The following CFAP61 variants were observed in gnomAD, a reference collection of about 807,000 sequenced individuals.
CFAP61 encodes the protein cilia and flagella associated protein 61, also known as cilia- and flagella-associated protein 61.
Under a neutral mutation model 135.6 loss-of-function variants are expected in CFAP61, and 107 were observed. The observed-to-expected ratio is 0.79, with a 90% CI of 0.67 to 0.93. CFAP61 has a LOEUF of 0.93. Ranked by LOEUF, CFAP61 falls within the 40% of genes least tolerant of loss-of-function variation. The pLI is 0.00. For synonymous variants in CFAP61, 575 were observed against 578.5 expected, an observed-to-expected ratio of 0.99 and a Z score of 0.09; for missense variants, 1,507 against 1,556.2, an observed-to-expected ratio of 0.97 and a Z score of 0.53.
intron 8 of CFAP61, among the ~76,000 whole-genome samples, chr20:20,130,156 G>T (rs975785055): frequency 4.0e-5 from 6 of 151,560 alleles, no homozygotes; most frequent in Admixed American, 2.6e-4. Context: ...GGGTGTGGTG[G>T]TACGTGCCTG....
intron 6 of CFAP61, among the ~76,000 whole-genome samples, chr20:20,083,410 T>C (rs1159874288): frequency 1.3e-5 from 2 of 152,120 alleles, no homozygotes; most frequent in Non-Finnish European, 2.9e-5. Context: ...GCTCAGGTGA[T>C]GGGTGCACTA....
chr20:20,149,173 C>G (rs924426705), intron 9 of CFAP61, among the ~76,000 whole-genome samples: 1 of 152,102 alleles, frequency 6.6e-6, no homozygotes, highest in African/African-American at 2.4e-5. Context: ...CCAAGATAGA[C>G]CATATTATGG....
intron 2 of CFAP61, among the ~76,000 whole-genome samples, chr20:20,066,044 G>A (rs1274961409): frequency 2.0e-5 from 3 of 152,180 alleles, no homozygotes; most frequent in Non-Finnish European, 4.4e-5. Flanking sequence ...CTCAAAAGAA[G>A]ACATTTATGC....
intron 9 of CFAP61, among the ~76,000 whole-genome samples, chr20:20,155,060 C>G (rs1173730248): frequency 1.3e-5 from 2 of 152,146 alleles, no homozygotes; most frequent in Non-Finnish European, 2.9e-5. Flanking sequence ...AAGCATGGTA[C>G]TGGTATAAAA....
At chr20:20,291,510 C>T (rs1192442734) in intron 24 of CFAP61, among the ~76,000 whole-genome samples, 3 of 152,158 alleles carry the variant, frequency 2.0e-5, no homozygotes, top group African/African-American at 7.2e-5. Context: ...TTCTTTTTGG[C>T]ACTGAATGAT....
chr20:20,103,996 C>T (rs548320410), intron 8 of CFAP61, among the ~76,000 whole-genome samples: 225 of 152,336 alleles, frequency 1.5e-3, no homozygotes, highest in Non-Finnish European at 2.5e-3. Context: ...AAGACTCCTG[C>T]AAGGTTCCGA....
rs543363717 is a variant in CFAP61 at position 20,150,194 on chromosome 20, G to A, written c.951+7246G>A. Among the ~76,000 whole-genome samples, 5 of 152,032 alleles carry A rather than the reference G, an allele frequency of 3.3e-5. No individual in the cohort carries two copies. In the East Asian group the frequency reaches 9.7e-4, roughly 30 times the overall value. On this transcript the variant is annotated intron_variant, in intron 9 of 26. Coordinates refer to ENST00000245957, the MANE Select transcript of CFAP61 (RefSeq NM_015585.4). ...CCACCACCCCCCTACACTCCAAAGT[G>A]GCTTCAGTAAGCCCTGCTCAAGGAG...
intron 20 of CFAP61, 135 bp from the exon 21 acceptor site, chr20:20,262,821 A>G (rs1380827902): frequency 9.7e-6 from 4 of 411,378 alleles, no homozygotes; most frequent in African/African-American, 4.2e-5. Flanking sequence ...TTTTTTTTCA[A>G]TTAAAATCTG....
At chr20:20,197,801 A>G (rs1028151687) in intron 16 of CFAP61, among the ~76,000 whole-genome samples, 3 of 152,194 alleles carry the variant, frequency 2.0e-5, no homozygotes, top group Non-Finnish European at 4.4e-5. Flanking sequence ...GGATTCAACC[A>G]CTAGAACAGG....
chr20:20,117,447 T>C (rs994417703), intron 8 of CFAP61, among the ~76,000 whole-genome samples: 2 of 152,048 alleles, frequency 1.3e-5, no homozygotes, highest in Non-Finnish European at 2.9e-5. Flanking sequence ...TTGGTCTATG[T>C]GTCTGCTTTT....
At chr20:20,114,457 T>G (rs1032083155) in intron 8 of CFAP61, among the ~76,000 whole-genome samples, 1 of 150,932 alleles carries the variant, frequency 6.6e-6, no homozygotes, top group African/African-American at 2.5e-5. Flanking sequence ...TTTCCTCCTA[T>G]AATGTTTTAT....
chr20:20,215,383 T>G (rs2047979659), intron 17 of CFAP61: 1 of 152,258 alleles, frequency 6.6e-6, no homozygotes, highest in Non-Finnish European at 1.5e-5. Flanking sequence ...CCACGAAACC[T>G]TCCTCTAATC....
chr20:20,277,041 C>A, intron 21 of CFAP61, 125 bp from the exon 22 acceptor site: 1 of 698,972 alleles, frequency 1.4e-6, no homozygotes, highest in Non-Finnish European at 2.3e-6. Flanking sequence ...TGCTAGGTAA[C>A]ACCGCTGGCT....
chr20:20,296,064 CCTTCCTTCCCTCCTTTTCTTCCTTCT>C (rs2055454536), intron 24 of CFAP61, among the ~76,000 whole-genome samples: 1 of 35,498 alleles, frequency 2.8e-5, no homozygotes, highest in African/African-American at 1.1e-4. Context: ...CCCTTCCTTC[CCTTCCTTCCCTCCTTTTCTTCCTTCT>C]TTCCTTCCTT....
At chr20:20,241,662 T>G (rs1254131870) in intron 18 of CFAP61, among the ~76,000 whole-genome samples, 1 of 152,226 alleles carries the variant, frequency 6.6e-6, no homozygotes, top group African/African-American at 2.4e-5. Context: ...TTATTAAGCC[T>G]TCTACTTACA....
chr20:20,157,715 G>C (rs1437016228), intron 9 of CFAP61, among the ~76,000 whole-genome samples: 1 of 152,152 alleles, frequency 6.6e-6, no homozygotes, highest in Non-Finnish European at 1.5e-5. Context: ...GGTTAGGTAA[G>C]ATTTCTTAGA....
intron 6 of CFAP61, among the ~76,000 whole-genome samples, chr20:20,090,068 C>T (rs1158595839): frequency 6.6e-6 from 1 of 152,146 alleles, no homozygotes; most frequent in Non-Finnish European, 1.5e-5. Context: ...AGAGGATGCT[C>T]GGGACAATAT....
chr20:20,283,264 T>A (rs1469631464), intron 22 of CFAP61, among the ~76,000 whole-genome samples: 1 of 152,210 alleles, frequency 6.6e-6, no homozygotes, highest in Non-Finnish European at 1.5e-5. Flanking sequence ...TATATCTGCC[T>A]TGTGAATTGT....
chr20:20,296,765 T>C (rs2055660598), intron 24 of CFAP61, among the ~76,000 whole-genome samples: 1 of 152,202 alleles, frequency 6.6e-6, no homozygotes, highest in Non-Finnish European at 1.5e-5. Flanking sequence ...ATACTGTGCA[T>C]TTTTGTAAAC....
Sources: gnomAD v4.1 joint callset for allele counts (sites outside exome capture counted in the v4.1 genomes callset) on GRCh38, gnomAD v4.1.1 for gene constraint, MANE v1.5 for transcripts, NCBI Gene and HGNC (gene_info 2026-07-23, HGNC 2026-07-21) for gene names.